Variants in ATRNL1 observed in about 807,000 individuals in gnomAD.
ATRNL1 encodes the protein attractin like 1.
In ATRNL1, 95 loss-of-function variants were observed where a neutral mutation model predicts 182.7. That is an observed-to-expected ratio of 0.52 (90% CI 0.44 to 0.62). ATRNL1 has a LOEUF of 0.62. Ranked by LOEUF, ATRNL1 falls within the 20% of genes least tolerant of loss-of-function variation. ATRNL1 has a pLI of 0.00. For synonymous variants in ATRNL1, 576 were observed against 568.3 expected, an observed-to-expected ratio of 1.01 and a Z score of -0.19; for missense variants, 1,471 against 1,679.5, an observed-to-expected ratio of 0.88 and a Z score of 2.17.
At chr10:115,365,716 T>C (rs1857000278) in intron 19 of ATRNL1, among the ~76,000 whole-genome samples, 1 of 151,966 alleles carries the variant, frequency 6.6e-6, no homozygotes, top group Admixed American at 6.6e-5. Flanking sequence ...TTCTGGTATG[T>C]TGTGTCTTTG....
At chr10:115,863,327 A>G (rs1951358754) in intron 28 of ATRNL1, among the ~76,000 whole-genome samples, 1 of 152,208 alleles carries the variant, frequency 6.6e-6, no homozygotes, top group African/African-American at 2.4e-5. Context: ...GTACCTTTAG[A>G]AAATGATTAT....
At chr10:115,566,819 A>T (rs1423684314) in intron 26 of ATRNL1, among the ~76,000 whole-genome samples, 1 of 152,160 alleles carries the variant, frequency 6.6e-6, no homozygotes, top group African/African-American at 2.4e-5. Flanking sequence ...TGCAAGATAC[A>T]CTAAGGTTAG....
At chr10:115,281,514 A>T (rs1554916822) in intron 14 of ATRNL1, 27 bp downstream of exon 14, 1 of 1,607,888 alleles carries the variant, frequency 6.2e-7, no homozygotes, top group South Asian at 1.1e-5. Flanking sequence ...TTAGTAAATG[A>T]GTTTATGGTC....
At chr10:115,697,540 G>A (rs1480201183) in intron 26 of ATRNL1, among the ~76,000 whole-genome samples, 2 of 152,026 alleles carry the variant, frequency 1.3e-5, no homozygotes, top group Non-Finnish European at 2.9e-5. Flanking sequence ...TGCCCAGGCT[G>A]GTCTGAAACT....
intron 24 of ATRNL1, among the ~76,000 whole-genome samples, chr10:115,486,670 A>T (rs1849042094): frequency 1.3e-5 from 2 of 151,696 alleles, no homozygotes; most frequent in African/African-American, 2.4e-5. Flanking sequence ...GAGTGCAAAA[A>T]TTTTCTCCCA....
chr10:115,532,768 T>C (rs1851674688), intron 25 of ATRNL1, among the ~76,000 whole-genome samples: 1 of 151,978 alleles, frequency 6.6e-6, no homozygotes. Flanking sequence ...GGGTTTGTCA[T>C]AGATAGCTCT....
chr10:115,666,474 A>T (rs571768611), intron 26 of ATRNL1, among the ~76,000 whole-genome samples: 20 of 152,228 alleles, frequency 1.3e-4, no homozygotes, highest in Admixed American at 5.2e-4. Flanking sequence ...ACAACTCCAT[A>T]CTTTTGTAAT....
intron 1 of ATRNL1, among the ~76,000 whole-genome samples, chr10:115,097,698 G>A (rs186383655): frequency 1.3e-5 from 2 of 152,254 alleles, no homozygotes; most frequent in Admixed American, 1.3e-4. Context: ...GACCGAGGCG[G>A]GCGGATCATG....
chr10:115,646,187 A>C (rs2133868905), intron 26 of ATRNL1, among the ~76,000 whole-genome samples: 1 of 152,216 alleles, frequency 6.6e-6, no homozygotes, highest in East Asian at 1.9e-4. Context: ...ACAAAGAATA[A>C]CTTTATTCTA....
At chr10:115,488,199 C>T (rs992088852) in intron 24 of ATRNL1, among the ~76,000 whole-genome samples, 1 of 152,130 alleles carries the variant, frequency 6.6e-6, no homozygotes, top group South Asian at 2.1e-4. Context: ...TGCTGTGTCT[C>T]TACCAGGTTT....
At chr10:115,137,125 G>T (rs1845548874) in intron 5 of ATRNL1, among the ~76,000 whole-genome samples, 4 of 152,180 alleles carry the variant, frequency 2.6e-5, no homozygotes, top group Admixed American at 1.3e-4. Flanking sequence ...AACCCAGGAG[G>T]TGGAGGTTGT....
intron 8 of ATRNL1, among the ~76,000 whole-genome samples, chr10:115,211,198 A>G (rs1849009770): frequency 6.6e-6 from 1 of 151,580 alleles, no homozygotes; most frequent in South Asian, 2.1e-4. Context: ...TGTTTGAAGA[A>G]GTTCTTTTAA....
chr10:115,674,735 C>T (rs542406315), intron 26 of ATRNL1, among the ~76,000 whole-genome samples: 9 of 152,194 alleles, frequency 5.9e-5, no homozygotes, highest in African/African-American at 2.2e-4. Context: ...ACTTGTCATA[C>T]ATGTATTATT....
At chr10:115,589,033 G>A (rs1442657265) in intron 26 of ATRNL1, among the ~76,000 whole-genome samples, 1 of 152,116 alleles carries the variant, frequency 6.6e-6, no homozygotes, top group East Asian at 1.9e-4. Flanking sequence ...ATATTGATCA[G>A]TAGTGGTTGT....
intron 28 of ATRNL1, among the ~76,000 whole-genome samples, chr10:115,913,907 A>T (rs1056364447): frequency 2.0e-5 from 3 of 152,086 alleles, no homozygotes; most frequent in Non-Finnish European, 4.4e-5. Context: ...CACTTCATGA[A>T]GATATTGGGA....
intron 13 of ATRNL1, among the ~76,000 whole-genome samples, chr10:115,270,359 A>AAATATATAAATCTTTTATATAC (rs200573250): frequency 7.0e-6 from 1 of 141,936 alleles, no homozygotes; most frequent in Admixed American, 7.2e-5. Context: ...ATATATAAAC[A>AAATATATAAATCTTTTATATAC]AATATATAAA....
intron 27 of ATRNL1, among the ~76,000 whole-genome samples, chr10:115,755,796 T>G (rs568372304): frequency 6.6e-6 from 1 of 152,252 alleles, no homozygotes; most frequent in African/African-American, 2.4e-5. Flanking sequence ...ATTTGTCTGG[T>G]CCTGGACGTT....
intron 20 of ATRNL1, among the ~76,000 whole-genome samples, chr10:115,395,105 G>A: frequency 7.2e-6 from 1 of 139,182 alleles, no homozygotes; most frequent in East Asian, 2.0e-4. Context: ...CCATTTATAA[G>A]CAAAAACATG....
At chr10:115,319,314 G>A (rs1490794544) in intron 18 of ATRNL1, among the ~76,000 whole-genome samples, 3 of 152,120 alleles carry the variant, frequency 2.0e-5, no homozygotes, top group Non-Finnish European at 4.4e-5. Context: ...CAATTATGTG[G>A]TCAATTTTAG....
Sources: gnomAD v4.1 joint callset for allele counts (sites outside exome capture counted in the v4.1 genomes callset) on GRCh38, gnomAD v4.1.1 for gene constraint, MANE v1.5 for transcripts, NCBI Gene and HGNC (gene_info 2026-07-23, HGNC 2026-07-21) for gene names.